Variants in SYCP1 observed in about 807,000 individuals in gnomAD.
SYCP1 encodes the protein cancer/testis antigen 8.
SYCP1 carries 64 observed loss-of-function variants against 153.1 expected under a neutral mutation model. The ratio of observed to expected loss-of-function variants is 0.42; its 90% CI spans 0.34 to 0.51. SYCP1 has a LOEUF of 0.51. Among genes scored for constraint, SYCP1 ranks in the 20% least tolerant of loss-of-function variants. SYCP1 has a pLI of 0.06. For synonymous variants in SYCP1, 384 were observed against 341.8 expected, an observed-to-expected ratio of 1.12 and a Z score of -1.36; for missense variants, 997 against 1,049.0, an observed-to-expected ratio of 0.95 and a Z score of 0.68.
At chr1:114,978,830 A>G (rs536914215) in intron 28 of SYCP1, among the ~76,000 whole-genome samples, 3 of 151,842 alleles carry the variant, frequency 2.0e-5, no homozygotes, top group Admixed American at 2.0e-4. Flanking sequence ...TGAAGAAATT[A>G]TAATCATAAT....
chr1:114,950,757 ATTAT>A (rs1671046162), intron 27 of SYCP1, among the ~76,000 whole-genome samples: 1 of 152,018 alleles, frequency 6.6e-6, no homozygotes, highest in Admixed American at 6.6e-5. Flanking sequence ...CTATAGACTG[ATTAT>A]CTAGCTAATG....
At chr1:114,978,789 C>A (rs1489614426) in intron 28 of SYCP1, among the ~76,000 whole-genome samples, 1 of 151,598 alleles carries the variant, frequency 6.6e-6, no homozygotes, top group African/African-American at 2.4e-5. Flanking sequence ...ATGTTCCAGA[C>A]ACTGTGCTAG....
chr1:114,913,836 T>C, intron 19 of SYCP1, 139 bp from the exon 20 acceptor site: 1 of 524,034 alleles, frequency 1.9e-6, no homozygotes, highest in East Asian at 3.5e-5. Flanking sequence ...TATGGAACTA[T>C]ACAAGTTGAA....
intron 15 of SYCP1, among the ~76,000 whole-genome samples, chr1:114,888,754 T>C (rs1253342640): frequency 2.0e-5 from 3 of 152,110 alleles, no homozygotes; most frequent in Non-Finnish European, 4.4e-5. Context: ...GTGCACAACG[T>C]GTAGGTTTGT....
chr1:114,941,478 T>C lies in SYCP1; in HGVS notation c.1927-2861T>C, dbSNP rs360673. ...ATCTTTATGTTTTAAATGACTCTTA[T>C]AAATAGCATGTAGCCAGAGTTTATA... On this transcript the variant is annotated intron_variant, in intron 23 of 31. Coordinates refer to ENST00000369522, the MANE Select transcript of SYCP1 (RefSeq NM_003176.4). Among the ~76,000 whole-genome samples the C allele has an allele frequency of 7.3e-3, 1,105 of 152,270 alleles. 8 individuals are homozygous for C. Among genetic ancestry groups the C allele is most frequent in the Non-Finnish European group, 0.012 (848 of 68,000 alleles).
At chr1:114,868,400 T>A (rs757990448) in intron 8 of SYCP1, among the ~76,000 whole-genome samples, 5 of 152,196 alleles carry the variant, frequency 3.3e-5, no homozygotes, top group Non-Finnish European at 7.3e-5. Flanking sequence ...TTCAGTCTCC[T>A]GAGTAGCTGG....
chr1:114,858,249 A>G (rs1257903440), intron 5 of SYCP1, among the ~76,000 whole-genome samples: 2 of 152,114 alleles, frequency 1.3e-5, no homozygotes, highest in African/African-American at 4.8e-5. Flanking sequence ...TTCTTATAGG[A>G]TGATTTATTT....
chr1:114,948,160 A>G (rs1427198576), intron 27 of SYCP1, among the ~76,000 whole-genome samples: 1 of 152,062 alleles, frequency 6.6e-6, no homozygotes, highest in Non-Finnish European at 1.5e-5. Context: ...CATGTTTCAG[A>G]AAAAAAGGCT....
At chr1:114,899,709 T>C (rs1667292294) in intron 16 of SYCP1, among the ~76,000 whole-genome samples, 1 of 152,202 alleles carries the variant, frequency 6.6e-6, no homozygotes, top group Non-Finnish European at 1.5e-5. Flanking sequence ...ATTAGAATTT[T>C]AGAAATCCCA....
chr1:114,903,631 C>G (rs1347743487), intron 16 of SYCP1, among the ~76,000 whole-genome samples: 1 of 152,124 alleles, frequency 6.6e-6, no homozygotes, highest in African/African-American at 2.4e-5. Context: ...GGATGGGACA[C>G]TCCAGATGAT....
chr1:114,854,960 A>G lies in SYCP1; in HGVS notation c.-83A>G, dbSNP rs1663828112. The G allele has an allele frequency of 6.6e-6, 1 of 152,044 alleles. No homozygotes were observed. The highest frequency in any genetic ancestry group is 2.4e-5 in the African/African-American group (1 of 41,370). The allele number at this position is 152,044 out of a possible 1,614,324, so 9.4% of individuals were successfully genotyped here. A position where few individuals can be genotyped will look rare whatever the true frequency, so the allele number is the denominator to read the frequency against. ...TTGGTTCTTTCTGTTGCCCTCATAG[A>G]CCGTATGTAGCAGTTCGCGTGGGCA... On this transcript the variant is annotated 5_prime_UTR_variant, in exon 1 of 32. Coordinates refer to ENST00000369522, the MANE Select transcript of SYCP1 (RefSeq NM_003176.4).
intron 23 of SYCP1, among the ~76,000 whole-genome samples, chr1:114,941,829 T>A (rs938199277): frequency 5.3e-5 from 8 of 152,150 alleles, no homozygotes; most frequent in Admixed American, 4.6e-4. Flanking sequence ...TACTTTTTCA[T>A]GAACAAAATT....
At chr1:114,900,265 A>G (rs1338968893) in intron 16 of SYCP1, among the ~76,000 whole-genome samples, 2 of 151,996 alleles carry the variant, frequency 1.3e-5, no homozygotes, top group African/African-American at 2.4e-5. Flanking sequence ...AACAATTTAC[A>G]TTTTTAATGC....
intron 16 of SYCP1, among the ~76,000 whole-genome samples, chr1:114,899,012 GT>G (rs1273187282): frequency 6.6e-6 from 1 of 152,150 alleles, no homozygotes; most frequent in Non-Finnish European, 1.5e-5. Flanking sequence ...TGTGAGGCCA[GT>G]TTTTTCCCAA....
At position 114,984,781 on chromosome 1, in the gene SYCP1, T is replaced by C. The variant is rs774613361; in HGVS notation, c.2616T>C (p.Asn872=). Residue 872 remains asparagine, a synonymous_variant, in exon 30 of 32, where the codon AAT becomes AAC. Coordinates refer to ENST00000369522, the MANE Select transcript of SYCP1 (RefSeq NM_003176.4). The part of the protein sequence containing the change: ...KPKLQQRENL[N]IPIEESKKKR... ...AACTACAGCAAAGAGAAAACTTGAATATACCCATTGAAGAAAGTAAAAAAA... is the reference window on the plus strand; with the variant it reads ...AACTACAGCAAAGAGAAAACTTGAACATACCCATTGAAGAAAGTAAAAAAA... The C allele has an allele frequency of 2.6e-6, 4 of 1,518,114 alleles. No individual in the cohort carries two copies. In the South Asian group the frequency reaches 5.5e-5, roughly 21 times the overall value. 94.0% of individuals were successfully genotyped at this position (1,518,114 alleles called of 1,614,324 possible).
intron 8 of SYCP1, among the ~76,000 whole-genome samples, chr1:114,868,119 AT>A (rs1001280169): frequency 5.3e-5 from 8 of 150,052 alleles, no homozygotes; most frequent in African/African-American, 4.9e-5. Context: ...GTGTTGTATA[AT>A]TTTTTTTATA....
At position 114,857,078 on chromosome 1, in the gene SYCP1, G is replaced by A. The variant is rs555203838; in HGVS notation, c.194-154G>A. Among the ~76,000 whole-genome samples, 4 of 130,520 alleles carry A rather than the reference G, an allele frequency of 3.1e-5. No individual in the cohort carries two copies. In the East Asian group the frequency reaches 7.2e-4, roughly 23 times the overall value. 85.6% of individuals were successfully genotyped at this position (130,520 alleles called of 152,430 possible). On this transcript the variant is annotated intron_variant, in intron 3 of 31. Coordinates refer to ENST00000369522, the MANE Select transcript of SYCP1 (RefSeq NM_003176.4). The stretch of plus-strand genomic sequence containing the variant: ...GATGGAGGCTTTGAGGCTGCAGTGA[G>A]CCATGATGGGTCACTGCCCTCTAGT...
chr1:114,876,035 A>AT, intron 9 of SYCP1, 34 bp from the exon 10 acceptor site: 1 of 1,447,456 alleles, frequency 6.9e-7, no homozygotes, highest in Non-Finnish European at 9.3e-7. Context: ...ATTTAAAAAA[A>AT]TTTAAGTATG....
At chr1:114,893,319 C>T (rs748059519) in intron 15 of SYCP1, among the ~76,000 whole-genome samples, 9 of 151,958 alleles carry the variant, frequency 5.9e-5, no homozygotes, top group Non-Finnish European at 1.2e-4. Flanking sequence ...ATCTGTATCT[C>T]TATCTCATCT....
Sources: gnomAD v4.1 joint callset for allele counts (sites outside exome capture counted in the v4.1 genomes callset) on GRCh38, gnomAD v4.1.1 for gene constraint, MANE v1.5 for transcripts, NCBI Gene and HGNC (gene_info 2026-07-23, HGNC 2026-07-21) for gene names.